The following IGSF3 variants were observed in gnomAD, a reference collection of about 807,000 sequenced individuals.
IGSF3 encodes the protein glu-Trp-Ile EWI motif-containing protein 3.
A neutral mutation model predicts 114.4 loss-of-function variants in IGSF3; 23 were observed. The observed-to-expected ratio is 0.20, with a 90% CI of 0.14 to 0.28. IGSF3 has a LOEUF of 0.28. Ranked by LOEUF, IGSF3 falls within the 10% of genes least tolerant of loss-of-function variation. The pLI is 1.00. For synonymous variants in IGSF3, 571 were observed against 645.2 expected (o/e 0.88, Z 1.74); for missense variants, 1,172 against 1,591.5 (o/e 0.74, Z 4.48).
chr1:116,656,187 T>C (rs547854017), intron 2 of IGSF3, among the ~76,000 whole-genome samples: 2 of 151,258 alleles, frequency 1.3e-5, no homozygotes, highest in African/African-American at 2.4e-5. Context: ...AGTATATACA[T>C]AGAAAAGGGT....
Position 116,656,362 on chromosome 1 carries a change from G to A in IGSF3, c.43+9922C>T, listed in dbSNP as rs149980791. Among the ~76,000 whole-genome samples, 604 of 130,530 alleles carry A rather than the reference G, an allele frequency of 4.6e-3. 2 individuals are homozygous for A. The highest frequency in any genetic ancestry group is 0.016 in the African/African-American group (558 of 34,322). 85.6% of individuals were successfully genotyped at this position (130,530 alleles called of 152,430 possible). On this transcript the variant is annotated intron_variant, in intron 2 of 10. Coordinates refer to ENST00000369486, the MANE Select transcript of IGSF3 (RefSeq NM_001007237.3). The stretch of plus-strand genomic sequence containing the variant: ...GTTGCCCAGGCTGGAGTGCAGTGGC[G>A]CAATCTCGGCTCACTGCAAGCTCCG...
At position 116,600,366 on chromosome 1, in the gene IGSF3, T is replaced by C. The variant is rs1443318791; in HGVS notation, c.1625-21A>G. 1.3e-6 allele frequency: 2 copies of C among 1,594,134 alleles called. No individual in the cohort carries two copies. The highest frequency in any genetic ancestry group is 1.7e-5 in the Admixed American group (1 of 59,394). On this transcript the variant is annotated intron_variant, in intron 6 of 10. Transcript: ENST00000369486. This position sits in a 1 kb window ranked among gnomAD's most constrained non-coding sequence, Gnocchi z 5.5. ...CATTTCTGGAGAGAAAGCAGAGAGA[T>C]TCAACCAGAGGAGGCATGTGGCTTT...
At chr1:116,646,347 G>C (rs559859776) in intron 2 of IGSF3, among the ~76,000 whole-genome samples, 48 of 152,100 alleles carry the variant, frequency 3.2e-4, no homozygotes, top group Non-Finnish European at 5.6e-4. Flanking sequence ...GAATTGGGGG[G>C]GGTCCACACA....
intron 2 of IGSF3, among the ~76,000 whole-genome samples, chr1:116,658,032 T>C (rs1363892664): frequency 2.6e-5 from 4 of 152,080 alleles, no homozygotes; most frequent in Admixed American, 2.6e-4. Context: ...TGGTTTTTTT[T>C]TTTTTGAAAT....
At position 116,614,276 on chromosome 1, in the gene IGSF3, C is replaced by T; in HGVS notation, c.422-101G>A. The T allele has an allele frequency of 1.1e-6, 1 of 897,150 alleles. No individual in the cohort carries two copies. The allele number at this position is 897,150 out of a possible 1,614,324, so 55.6% of individuals were successfully genotyped here. A position where few individuals can be genotyped will look rare whatever the true frequency, so the allele number is the denominator to read the frequency against. On this transcript the variant is annotated intron_variant, in intron 3 of 10. Coordinates refer to ENST00000369486, the MANE Select transcript of IGSF3 (RefSeq NM_001007237.3). This position sits in a 1 kb window ranked among gnomAD's most constrained non-coding sequence, Gnocchi z 4.5. ...CCACGCAGGCGTCACTGCACTGCGC[C>T]CCTAACAGTCATCCTTGAACCATCG...
Position 116,624,979 on chromosome 1 carries a change from C to T in IGSF3, c.44-8522G>A, listed in dbSNP as rs1270981549. ...ACAAGCCTCCACTGTGAGCTGCCCCCAGCCTTGGAACTTCCAGCCATGCCT... is the reference window on the plus strand; with the variant it reads ...ACAAGCCTCCACTGTGAGCTGCCCCTAGCCTTGGAACTTCCAGCCATGCCT... On this transcript the variant is annotated intron_variant, in intron 2 of 10. Coordinates refer to ENST00000369486, the MANE Select transcript of IGSF3 (RefSeq NM_001007237.3). The surrounding 1 kb of genome is among the most constrained non-coding windows in gnomAD (Gnocchi z 4.9). Among the ~76,000 whole-genome samples the T allele has an allele frequency of 6.6e-6, 1 of 152,260 alleles. No homozygotes were observed. Among genetic ancestry groups the T allele is most frequent in the Non-Finnish European group, 1.5e-5 (1 of 68,048 alleles).
Position 116,613,919 on chromosome 1 carries a change from C to G in IGSF3, c.678G>C (p.Arg226Ser). Residue 226 changes from arginine (R) to serine (S), a missense_variant, in exon 4 of 11, where the codon AGG becomes AGC. Coordinates refer to ENST00000369486, the MANE Select transcript of IGSF3 (RefSeq NM_001007237.3). Reference sequence around the variant, plus strand: ...GGAAGATGGTGAGGCGGAAGGTGGTCCTCCCCAGCTTGTCCAGCCGCACCT... The same window carrying G: ...GGAAGATGGTGAGGCGGAAGGTGGTGCTCCCCAGCTTGTCCAGCCGCACCT... ...LGEVRLDKLG[R>S]TTFRLTIFHL... The G allele has an allele frequency of 6.2e-7, 1 of 1,613,898 alleles. No individual in the cohort carries two copies. Among genetic ancestry groups the G allele is most frequent in the African/African-American group, 1.3e-5 (1 of 75,042 alleles).
intron 2 of IGSF3, among the ~76,000 whole-genome samples, chr1:116,656,846 C>A: frequency 6.6e-6 from 1 of 151,986 alleles, no homozygotes; most frequent in Non-Finnish European, 1.5e-5. Flanking sequence ...GAGAATCACT[C>A]AAACCCGGGA....
At position 116,634,857 on chromosome 1, in the gene IGSF3, C is replaced by T. The variant is rs781632416; in HGVS notation, c.44-18400G>A. Among the ~76,000 whole-genome samples, 29 of 152,050 alleles carry T rather than the reference C, an allele frequency of 1.9e-4. No individual in the cohort carries two copies. Among genetic ancestry groups the T allele is most frequent in the Non-Finnish European group, 3.4e-4 (23 of 68,018 alleles). On this transcript the variant is annotated intron_variant, in intron 2 of 10. Transcript: ENST00000369486. The surrounding 1 kb of genome is among the most constrained non-coding windows in gnomAD (Gnocchi z 4.2). ...GGACACACATTTGGAGCCTGAGTTG[C>T]GGTGTAAGCCATCTGCCTGCTCCGA...
intron 2 of IGSF3, among the ~76,000 whole-genome samples, chr1:116,660,367 A>C (rs1240219961): frequency 6.6e-6 from 1 of 151,094 alleles, no homozygotes; most frequent in Non-Finnish European, 1.5e-5. Flanking sequence ...CGGTCTCACT[A>C]TGTTGCCTAG....
chr1:116,640,603 C>T (rs1025765461), intron 2 of IGSF3, among the ~76,000 whole-genome samples: 5 of 152,170 alleles, frequency 3.3e-5, no homozygotes, highest in Admixed American at 3.3e-4. Context: ...TCCTTGTTGA[C>T]ATATGTCACT....
rs1304418060 is a variant in IGSF3, at chr1:116,664,758, A to T, written c.43+1526T>A. On this transcript the variant is annotated intron_variant, in intron 2 of 10. Transcript: ENST00000369486. This position sits in a 1 kb window ranked among gnomAD's most constrained non-coding sequence, Gnocchi z 4.6. Reference sequence around the variant, plus strand: ...TGCCTGTATCCCAGCCCACAGCTGAACAGAAGACTAACTAAACTACCAGCA... The same window carrying T: ...TGCCTGTATCCCAGCCCACAGCTGATCAGAAGACTAACTAAACTACCAGCA... Among the ~76,000 whole-genome samples the T allele has an allele frequency of 6.6e-6, 1 of 152,230 alleles. No homozygotes were observed. The highest frequency in any genetic ancestry group is 1.9e-4 in the East Asian group (1 of 5,200).
At chr1:116,663,506 TGCA>T (rs1649198715) in intron 2 of IGSF3, among the ~76,000 whole-genome samples, 1 of 147,012 alleles carries the variant, frequency 6.8e-6, no homozygotes, top group East Asian at 2.3e-4. Context: ...GGCAGAGCCA[TGCA>T]CTGCCACCAC....
At chr1:116,609,940 C>A (rs1289215403) in intron 4 of IGSF3, among the ~76,000 whole-genome samples, 2 of 152,150 alleles carry the variant, frequency 1.3e-5, no homozygotes, top group African/African-American at 4.8e-5. Flanking sequence ...GCTGCAAATA[C>A]CCCTTCTTTC....
At chr1:116,623,747 G>A (rs185455343) in intron 2 of IGSF3, among the ~76,000 whole-genome samples, 1 of 151,772 alleles carries the variant, frequency 6.6e-6, no homozygotes, top group East Asian at 2.0e-4. Context: ...AGCTTCCCAA[G>A]CCCACAGGTG....
chr1:116,617,378 G>A (rs1352084423), intron 2 of IGSF3: 2 of 985,136 alleles, frequency 2.0e-6, no homozygotes, highest in African/African-American at 3.5e-5. Context: ...GCGGGAGGGG[G>A]CACAACCCTG....
rs191220571 is a variant in IGSF3, at chr1:116,623,033, C to A, written c.44-6576G>T. ...CTAAGTGCTTCATGGAACTTAAAGG[C>A]TCCAGAGAGAAAGCAATCGGGAAGG... On this transcript the variant is annotated intron_variant, in intron 2 of 10. Transcript: ENST00000369486. Among the ~76,000 whole-genome samples the A allele has an allele frequency of 1.5e-3, 228 of 152,360 alleles. 2 individuals carry two copies. The highest frequency in any genetic ancestry group is 5.1e-3 in the African/African-American group (214 of 41,580).
intron 2 of IGSF3, among the ~76,000 whole-genome samples, chr1:116,643,746 C>G (rs1437703745): frequency 6.6e-6 from 1 of 152,204 alleles, no homozygotes; most frequent in African/African-American, 2.4e-5. Flanking sequence ...CTTTGACATG[C>G]GACAGATCCT....
Position 116,625,492 on chromosome 1 carries a change from C to T in IGSF3, c.44-9035G>A, listed in dbSNP as rs1031989015. Among the ~76,000 whole-genome samples the T allele has an allele frequency of 6.6e-6, 1 of 152,136 alleles. No homozygotes were observed. The highest frequency in any genetic ancestry group is 1.5e-5 in the Non-Finnish European group (1 of 68,038). ...ATCAGTGCCAGGCGGAAAAGGGCAC[C>T]GAAAGGCACATTAATAAAGTCAAAC... On this transcript the variant is annotated intron_variant, in intron 2 of 10. Transcript: ENST00000369486. This position sits in a 1 kb window ranked among gnomAD's most constrained non-coding sequence, Gnocchi z 4.7.
Sources: allele counts gnomAD v4.1 joint callset (sites outside exome capture counted in the v4.1 genomes callset), GRCh38; gene constraint gnomAD v4.1.1; non-coding constraint Gnocchi (gnomAD v3.1); transcripts MANE v1.5; gene names NCBI Gene and HGNC (gene_info 2026-07-23, HGNC 2026-07-21).